Variants in TRDN observed in about 807,000 individuals in gnomAD.
TRDN encodes triadin in skeletal muscle.
Under a neutral mutation model 149.7 loss-of-function variants are expected in TRDN, and 161 were observed. The observed-to-expected ratio is 1.08, with a 90% CI of 0.95 to 1.23. The LOEUF (loss-of-function observed/expected upper bound fraction) is 1.23. Ranked by LOEUF, TRDN falls within the 50% of genes most tolerant of loss-of-function variation. The probability of loss-of-function intolerance (pLI) is 0.00; values close to 1 mark genes in which losing one functional copy is unlikely to be tolerated. For missense variants in TRDN, 896 were observed against 823.5 expected (o/e 1.09, Z -1.08); for synonymous variants, 294 against 250.5 (o/e 1.17, Z -1.64).
At chr6:123,592,467 G>A (rs1050896921) in intron 1 of TRDN, among the ~76,000 whole-genome samples, 4 of 152,248 alleles carry the variant, frequency 2.6e-5, no homozygotes, top group East Asian at 3.9e-4. Context: ...CAGGCAGGAC[G>A]TCACTTTCCT....
chr6:123,481,771 A>G (rs1216873905), intron 9 of TRDN, among the ~76,000 whole-genome samples: 1 of 152,164 alleles, frequency 6.6e-6, no homozygotes, highest in Non-Finnish European at 1.5e-5. Context: ...GCAGAACAAT[A>G]TCTTGAGAAC....
intron 37 of TRDN, among the ~76,000 whole-genome samples, chr6:123,254,160 CTGAT>C (rs1776471422): frequency 6.6e-6 from 1 of 151,978 alleles, no homozygotes; most frequent in African/African-American, 2.4e-5. Flanking sequence ...ATCCTTCTGG[CTGAT>C]TATCTCAAAG....
chr6:123,572,202 G>A (rs754999035), intron 1 of TRDN, among the ~76,000 whole-genome samples: 34 of 151,946 alleles, frequency 2.2e-4, no homozygotes, highest in Non-Finnish European at 4.3e-4. Context: ...TTGTATGTTC[G>A]TTTTTCCTTG....
chr6:123,353,351 T>C (rs1780538672), intron 20 of TRDN, among the ~76,000 whole-genome samples: 1 of 151,820 alleles, frequency 6.6e-6, no homozygotes, highest in Non-Finnish European at 1.5e-5. Context: ...AAGAAATGTG[T>C]CTGTAGCCAA....
chr6:123,358,011 A>G (rs1368353774), intron 20 of TRDN, among the ~76,000 whole-genome samples: 1 of 152,212 alleles, frequency 6.6e-6, no homozygotes, highest in Non-Finnish European at 1.5e-5. Flanking sequence ...TTCTAATTCT[A>G]TGAAGAGCAA....
At chr6:123,324,660 G>C (rs1779376134) in intron 23 of TRDN, among the ~76,000 whole-genome samples, 1 of 152,104 alleles carries the variant, frequency 6.6e-6, no homozygotes, top group South Asian at 2.1e-4. Context: ...TCTACACTTA[G>C]AGTTGCACGT....
intron 8 of TRDN, among the ~76,000 whole-genome samples, chr6:123,501,676 C>T (rs1384853120): frequency 3.3e-5 from 5 of 151,974 alleles, no homozygotes; most frequent in African/African-American, 9.7e-5. Context: ...GGCAATTGTT[C>T]TCAATACTGA....
intron 21 of TRDN, chr6:123,351,294 C>T: frequency 1.0e-6 from 1 of 953,836 alleles, no homozygotes; most frequent in African/African-American, 1.8e-5. Context: ...TCATGTTTGC[C>T]CTATACAACA....
intron 5 of TRDN, among the ~76,000 whole-genome samples, chr6:123,527,628 G>T (rs192964550): frequency 6.6e-6 from 1 of 151,888 alleles, no homozygotes; most frequent in Admixed American, 6.6e-5. Context: ...TTCCCCAGGG[G>T]CCATTTATAT....
rs533563141 is a variant in TRDN at position 123,478,556 on chromosome 6, A to G, written c.854-13573T>C. Reference sequence around the variant, plus strand: ...GATGGTGAAGACAGAAGATATAGGTAAATAGGTAAATACGAATTGCGTTTT... The same window carrying G: ...GATGGTGAAGACAGAAGATATAGGTGAATAGGTAAATACGAATTGCGTTTT... On this transcript the variant is annotated intron_variant, in intron 9 of 40. Transcript: ENST00000334268. Among the ~76,000 whole-genome samples, 38 of 152,348 alleles carry G rather than the reference A, an allele frequency of 2.5e-4. No individual in the cohort carries two copies. In the East Asian group the frequency reaches 3.1e-3, roughly 12 times the overall value.
chr6:123,525,400 G>A (rs1418959285), intron 5 of TRDN, among the ~76,000 whole-genome samples: 1 of 152,076 alleles, frequency 6.6e-6, no homozygotes, highest in Non-Finnish European at 1.5e-5. Context: ...TATGTCCTCT[G>A]CAGCAACATG....
At chr6:123,502,552 T>C in intron 8 of TRDN, 4 of 983,396 alleles carry the variant, frequency 4.1e-6, no homozygotes, top group Non-Finnish European at 4.8e-6. Flanking sequence ...AAATACTACA[T>C]GTGAATCAAA....
intron 5 of TRDN, among the ~76,000 whole-genome samples, chr6:123,520,888 G>C (rs887269441): frequency 5.3e-5 from 8 of 152,052 alleles, no homozygotes; most frequent in African/African-American, 1.7e-4. Flanking sequence ...AATATATTTT[G>C]TACTTTAAGG....
chr6:123,504,016 C>T (rs1274069412), intron 7 of TRDN, 115 bp from the exon 8 acceptor site: 2 of 1,170,434 alleles, frequency 1.7e-6, no homozygotes, highest in Non-Finnish European at 2.3e-6. Context: ...AGGTAAGTCA[C>T]AAGTGTTTAT....
At chr6:123,604,585 T>C (rs1393005168) in intron 1 of TRDN, among the ~76,000 whole-genome samples, 1 of 152,150 alleles carries the variant, frequency 6.6e-6, no homozygotes, top group African/African-American at 2.4e-5. Flanking sequence ...ACTCAGAAGC[T>C]AAATTAGAAG....
chr6:123,488,712 T>G lies in TRDN; in HGVS notation c.853+8481A>C, dbSNP rs1330780650. 1.2e-3 allele frequency: 8 copies of G among 6,478 alleles called. No individual in the cohort carries two copies. In the East Asian group the frequency reaches 0.064, roughly 52 times the overall value. The allele number at this position is 6,478 out of a possible 1,614,324, so 0.4% of individuals were successfully genotyped here. A position where few individuals can be genotyped will look rare whatever the true frequency, so the allele number is the denominator to read the frequency against. On this transcript the variant is annotated intron_variant, in intron 9 of 40. Transcript: ENST00000334268. ...CTTGTACAACATTTCCAATCTTGTT[T>G]TTTTTTTTTTTTTCTAGATTTCCTG... is the stretch of plus-strand genomic sequence containing the variant.
chr6:123,599,513 T>C (rs1325334644), intron 1 of TRDN, among the ~76,000 whole-genome samples: 2 of 152,108 alleles, frequency 1.3e-5, no homozygotes, highest in African/African-American at 2.4e-5. Context: ...AATCATACTG[T>C]TTTTAATGCA....
At chr6:123,394,467 T>C (rs2114464572) in intron 12 of TRDN, among the ~76,000 whole-genome samples, 1 of 152,274 alleles carries the variant, frequency 6.6e-6, no homozygotes, top group Admixed American at 6.5e-5. Context: ...TATTTAATAA[T>C]GGAAAGTAAG....
At position 123,484,749 on chromosome 6, in the gene TRDN, G is replaced by A. The variant is rs1013796109; in HGVS notation, c.853+12444C>T. Among the ~76,000 whole-genome samples the A allele has an allele frequency of 3.3e-5, 5 of 152,048 alleles. No individual in the cohort carries two copies. The South Asian group carries it at 6.2e-4, about 19-fold the overall frequency. ...ACCTACAGAACCTGCCTCCTCTTTCGCAAGACTAGGAGACAAAATTCTAAA... is the reference window on the plus strand; with the variant it reads ...ACCTACAGAACCTGCCTCCTCTTTCACAAGACTAGGAGACAAAATTCTAAA... On this transcript the variant is annotated intron_variant, in intron 9 of 40. Transcript: ENST00000334268.
Sources: allele counts gnomAD v4.1 joint callset (sites outside exome capture counted in the v4.1 genomes callset), GRCh38; gene constraint gnomAD v4.1.1; transcripts MANE v1.5; gene names NCBI Gene and HGNC (gene_info 2026-07-23, HGNC 2026-07-21).